Variants in JAKMIP1 observed in about 807,000 individuals in gnomAD.
JAKMIP1 encodes the protein janus kinase and microtubule-interacting protein 1.
A neutral mutation model predicts 113.0 loss-of-function variants in JAKMIP1; 33 were observed. The observed-to-expected ratio is 0.29, with a 90% CI of 0.22 to 0.39. JAKMIP1 has a LOEUF of 0.39. JAKMIP1 is among the 10% of genes least tolerant of loss of function. The pLI is 1.00. For synonymous variants in JAKMIP1, 480 were observed against 459.9 expected, an observed-to-expected ratio of 1.04 and a Z score of -0.56; for missense variants, 813 against 1,080.5, an observed-to-expected ratio of 0.75 and a Z score of 3.47.
In JAKMIP1 at chr4:6,081,803, G is replaced by A. The variant is rs753889409; in HGVS notation, c.955-48C>T. The stretch of plus-strand genomic sequence containing the variant: ...AGGCTCAGACAACTTGACGACGGAC[G>A]GCCGAGGTCACAGCACCGAGGTGAG... On this transcript the variant is annotated intron_variant, in intron 5 of 20. Transcript: ENST00000409021. The surrounding 1 kb of genome is among the most constrained non-coding windows in gnomAD (Gnocchi z 4.6). 3.7e-6 allele frequency: 6 copies of A among 1,610,872 alleles called. No homozygotes were observed. Among genetic ancestry groups the A allele is most frequent in the East Asian group, 4.5e-5 (2 of 44,862 alleles).
intron 1 of JAKMIP1, among the ~76,000 whole-genome samples, chr4:6,149,956 C>T (rs7677615): frequency 0.032 from 4,798 of 152,266 alleles, 260 homozygotes; most frequent in African/African-American, 0.11. Context: ...TGCTCTGCAC[C>T]TTCCACTGCC....
intron 3 of JAKMIP1, among the ~76,000 whole-genome samples, chr4:6,100,885 T>A (rs1712903968): frequency 6.6e-6 from 1 of 152,232 alleles, no homozygotes; most frequent in African/African-American, 2.4e-5. Flanking sequence ...GAAATATTCT[T>A]TCAAGCTTTT....
intron 1 of JAKMIP1, among the ~76,000 whole-genome samples, chr4:6,133,785 G>C (rs1276932954): frequency 1.2e-4 from 18 of 152,208 alleles, no homozygotes; most frequent in Non-Finnish European, 2.4e-4. Context: ...TCCCTTGCAG[G>C]AGGTAGGGGT....
intron 1 of JAKMIP1, among the ~76,000 whole-genome samples, chr4:6,124,854 C>T (rs930964149): frequency 6.6e-6 from 1 of 152,250 alleles, no homozygotes; most frequent in Admixed American, 6.5e-5. Flanking sequence ...CAAGCAAGAT[C>T]GGGTGTCCCT....
Position 6,065,394 on chromosome 4 carries a change from G to T in JAKMIP1, c.1303-386C>A, listed in dbSNP as rs183872800. 2.0e-5 allele frequency among the ~76,000 whole-genome samples: 3 copies of T among 152,228 alleles called. No homozygotes were observed. Among genetic ancestry groups the T allele is most frequent in the Non-Finnish European group, 4.4e-5 (3 of 68,044 alleles). On this transcript the variant is annotated intron_variant, in intron 8 of 20. Transcript: ENST00000409021. The surrounding 1 kb of genome is among the most constrained non-coding windows in gnomAD (Gnocchi z 5.1). ...TGCCCAGAAAGCAGCCCAGCACTCC[G>T]TCACGCTCCATGAGCAGCGCACTGG...
chr4:6,098,531 A>G (rs1712236681), intron 3 of JAKMIP1, among the ~76,000 whole-genome samples: 1 of 68,120 alleles, frequency 1.5e-5, no homozygotes. Context: ...AGAAAGAGAG[A>G]GAGAGAGAGA....
At chr4:6,152,646 G>A (rs1578397664) in intron 1 of JAKMIP1, among the ~76,000 whole-genome samples, 3 of 152,182 alleles carry the variant, frequency 2.0e-5, no homozygotes, top group South Asian at 4.2e-4. Flanking sequence ...TATTCTCACA[G>A]AAGTGGGCAT....
At position 6,155,334 on chromosome 4, in the gene JAKMIP1, T is replaced by C. The variant is rs1003546629; in HGVS notation, c.-147-42337A>G. Among the ~76,000 whole-genome samples, 15 of 152,158 alleles carry C rather than the reference T, an allele frequency of 9.9e-5. No individual in the cohort carries two copies. Among genetic ancestry groups the C allele is most frequent in the Non-Finnish European group, 1.9e-4 (13 of 68,030 alleles). ...ACCACCGCGAATGTTTACCCAGCCC[T>C]TATCCTGCGTCAGCTCTGCTCCAAG... On this transcript the variant is annotated intron_variant, in intron 1 of 20. Coordinates refer to ENST00000409021, the MANE Select transcript of JAKMIP1 (RefSeq NM_001099433.2). This position sits in a 1 kb window ranked among gnomAD's most constrained non-coding sequence, Gnocchi z 6.1.
chr4:6,196,269 C>A (rs918027106), intron 1 of JAKMIP1, among the ~76,000 whole-genome samples: 1 of 152,158 alleles, frequency 6.6e-6, no homozygotes, highest in South Asian at 2.1e-4. Flanking sequence ...TCCCTGCAAG[C>A]GCTCCTGCGT....
chr4:6,110,614 C>T (rs1302656590), intron 2 of JAKMIP1, among the ~76,000 whole-genome samples: 1 of 144,576 alleles, frequency 6.9e-6, no homozygotes, highest in African/African-American at 2.5e-5. Flanking sequence ...TAAAGGTCAC[C>T]CTGATGGTCA....
chr4:6,066,525 A>G (rs1257442817), intron 8 of JAKMIP1, among the ~76,000 whole-genome samples: 1 of 152,022 alleles, frequency 6.6e-6, no homozygotes, highest in African/African-American at 2.4e-5. Context: ...CCTTTATGGC[A>G]TTGTGGAATC....
rs1034509620 is a variant in JAKMIP1, at chr4:6,129,832, T to A, written c.-147-16835A>T. Reference sequence around the variant, plus strand: ...CAATTGCCACCATCACCTGTCACTGTCCCCCAGTCAAAGAATCATCACGTT... The same window carrying A: ...CAATTGCCACCATCACCTGTCACTGACCCCCAGTCAAAGAATCATCACGTT... On this transcript the variant is annotated intron_variant, in intron 1 of 20. Transcript: ENST00000409021. The surrounding 1 kb of genome is among the most constrained non-coding windows in gnomAD (Gnocchi z 5.4). Among the ~76,000 whole-genome samples, 4 of 152,068 alleles carry A rather than the reference T, an allele frequency of 2.6e-5. No homozygotes were observed. The highest frequency in any genetic ancestry group is 9.7e-5 in the African/African-American group (4 of 41,398).
In JAKMIP1 at chr4:6,069,684, T is replaced by A. The variant is rs1578146886; in HGVS notation, c.1303-4676A>T. On this transcript the variant is annotated intron_variant, in intron 8 of 20. Coordinates refer to ENST00000409021, the MANE Select transcript of JAKMIP1 (RefSeq NM_001099433.2). This position sits in a 1 kb window ranked among gnomAD's most constrained non-coding sequence, Gnocchi z 4.5. ...GGAAAGATTACTTGAGCCTGGGAGG[T>A]TGGGGCTGCAGTGAGCTGTGATTGT... 6.6e-6 allele frequency among the ~76,000 whole-genome samples: 1 copy of A among 150,874 alleles called. No homozygotes were observed. The highest frequency in any genetic ancestry group is 1.5e-5 in the Non-Finnish European group (1 of 67,872).
rs1235806818 is a variant in JAKMIP1 at position 6,141,832 on chromosome 4, T to C, written c.-147-28835A>G. Among the ~76,000 whole-genome samples, 1 of 152,116 alleles carries C rather than the reference T, an allele frequency of 6.6e-6. No individual in the cohort carries two copies. Among genetic ancestry groups the C allele is most frequent in the African/African-American group, 2.4e-5 (1 of 41,414 alleles). On this transcript the variant is annotated intron_variant, in intron 1 of 20. Transcript: ENST00000409021. This position sits in a 1 kb window ranked among gnomAD's most constrained non-coding sequence, Gnocchi z 9.4. Reference sequence around the variant, plus strand: ...AGCCCGGTGGGAGCGGAAGTTGATGTGGAAACCACTCATTTCTGCTGTCAG... The same window carrying C: ...AGCCCGGTGGGAGCGGAAGTTGATGCGGAAACCACTCATTTCTGCTGTCAG...
At chr4:6,060,369 C>A (rs1717090070) in intron 11 of JAKMIP1, 55 bp downstream of exon 11, 2 of 1,357,310 alleles carry the variant, frequency 1.5e-6, no homozygotes, top group Admixed American at 3.3e-5. Context: ...CCCAGGGATA[C>A]CACCAAGGGG....
intron 1 of JAKMIP1, among the ~76,000 whole-genome samples, chr4:6,182,873 C>T (rs943196988): frequency 4.6e-5 from 7 of 152,168 alleles, no homozygotes; most frequent in Non-Finnish European, 8.8e-5. Flanking sequence ...ACAGCCATCC[C>T]GAGGAAGAAG....
rs963200371 is a variant in JAKMIP1, at chr4:6,094,533, T to G, written c.625-8904A>C. Reference sequence around the variant, plus strand: ...TCTCAGGAACTGCGGGCACCCAGCCTAGGCTGGTCCATCGGCCCCTGTTCT... The same window carrying G: ...TCTCAGGAACTGCGGGCACCCAGCCGAGGCTGGTCCATCGGCCCCTGTTCT... On this transcript the variant is annotated intron_variant, in intron 3 of 20. Transcript: ENST00000409021. The surrounding 1 kb of genome is among the most constrained non-coding windows in gnomAD (Gnocchi z 4.2). Among the ~76,000 whole-genome samples, 1 of 152,182 alleles carries G rather than the reference T, an allele frequency of 6.6e-6. No homozygotes were observed. Among genetic ancestry groups the G allele is most frequent in the Admixed American group, 6.5e-5 (1 of 15,288 alleles).
At position 6,093,306 on chromosome 4, in the gene JAKMIP1, C is replaced by T. The variant is rs1010062805; in HGVS notation, c.625-7677G>A. Reference sequence around the variant, plus strand: ...TGCTCACACTCCAGTTAACTGTAAGCGCTTTGCTGCCTGGAATCGTGTCTT... The same window carrying T: ...TGCTCACACTCCAGTTAACTGTAAGTGCTTTGCTGCCTGGAATCGTGTCTT... On this transcript the variant is annotated intron_variant, in intron 3 of 20. Coordinates refer to ENST00000409021, the MANE Select transcript of JAKMIP1 (RefSeq NM_001099433.2). This position sits in a 1 kb window ranked among gnomAD's most constrained non-coding sequence, Gnocchi z 4.6. 7.9e-5 allele frequency among the ~76,000 whole-genome samples: 12 copies of T among 152,316 alleles called. No individual in the cohort carries two copies. The highest frequency in any genetic ancestry group is 3.4e-3 in the Middle Eastern group (1 of 294).
At position 6,187,261 on chromosome 4, in the gene JAKMIP1, CT is replaced by C. The variant is rs966919568; in HGVS notation, c.-148+12991del. ...AAATGTTACTTTTTATCTCTAGTAACTTTTTTTGTTTTAAACTCATTTTGTC... is the reference window on the plus strand; with the variant it reads ...AAATGTTACTTTTTATCTCTAGTAACTTTTTTGTTTTAAACTCATTTTGTC... On this transcript the variant is annotated intron_variant, in intron 1 of 20. Coordinates refer to ENST00000409021, the MANE Select transcript of JAKMIP1 (RefSeq NM_001099433.2). This position sits in a 1 kb window ranked among gnomAD's most constrained non-coding sequence, Gnocchi z 4.2. Among the ~76,000 whole-genome samples, 23 of 152,272 alleles carry C rather than the reference CT, an allele frequency of 1.5e-4. No individual in the cohort carries two copies. Among genetic ancestry groups the C allele is most frequent in the African/African-American group, 5.1e-4 (21 of 41,572 alleles).
Sources: gnomAD v4.1 joint callset for allele counts (sites outside exome capture counted in the v4.1 genomes callset) on GRCh38, gnomAD v4.1.1 for gene constraint, Gnocchi (gnomAD v3.1) non-coding constraint, MANE v1.5 for transcripts, NCBI Gene and HGNC (gene_info 2026-07-23, HGNC 2026-07-21) for gene names.